TENM2: variants seen among roughly 807,000 people sequenced by gnomAD.
The protein encoded by TENM2 is teneurin transmembrane protein 2, also known as teneurin-2.
TENM2 carries 52 observed loss-of-function variants against 245.2 expected under a neutral mutation model. That is an observed-to-expected ratio of 0.21 (90% CI 0.17 to 0.27). The LOEUF is 0.27. Among genes scored for constraint, TENM2 ranks in the 10% least tolerant of loss-of-function variants. The pLI is 1.00. For synonymous variants in TENM2, 1,363 were observed against 1,438.9 expected, an observed-to-expected ratio of 0.95 and a Z score of 1.19; for missense variants, 3,046 against 3,666.8, an observed-to-expected ratio of 0.83 and a Z score of 4.37.
intron 25 of TENM2, among the ~76,000 whole-genome samples, chr5:168,233,843 G>A (rs1445582659): frequency 6.6e-6 from 1 of 152,202 alleles, no homozygotes; most frequent in Non-Finnish European, 1.5e-5. Context: ...AGAAAATGAG[G>A]AAGAAGCAAA....
chr5:167,286,418 T>G (rs1771351218), intron 1 of TENM2, among the ~76,000 whole-genome samples: 1 of 152,206 alleles, frequency 6.6e-6, no homozygotes, highest in Non-Finnish European at 1.5e-5. Context: ...TGTTTTTGCT[T>G]TGTTAAGTCC....
the TENM2 span, among the ~76,000 whole-genome samples, chr5:167,064,289 C>T: frequency 3.3e-5 from 5 of 152,146 alleles, no homozygotes; most frequent in African/African-American, 1.2e-4. Context: ...AACAAACTTC[C>T]ACGGCCCAAT....
intron 12 of TENM2, among the ~76,000 whole-genome samples, chr5:168,149,200 G>A (rs1293904956): frequency 6.6e-6 from 1 of 152,148 alleles, no homozygotes; most frequent in Admixed American, 6.5e-5. Context: ...TGCAGATAGA[G>A]CTGCTGTGAC....
chr5:167,866,261 G>A (rs1258723940), intron 2 of TENM2, among the ~76,000 whole-genome samples: 1 of 152,212 alleles, frequency 6.6e-6, no homozygotes, highest in African/African-American at 2.4e-5. Flanking sequence ...GACTTTGGGA[G>A]ACCGAGGCAG....
chr5:167,284,490 G>A (rs1233034675), upstream of TENM2, among the ~76,000 whole-genome samples: 2 of 152,198 alleles, frequency 1.3e-5, no homozygotes, highest in Non-Finnish European at 2.9e-5. Context: ...GACTGATCAT[G>A]TCATCTGTGC....
At chr5:167,306,285 C>CAG (rs1755670387) in intron 1 of TENM2, 1 of 152,234 alleles carries the variant, frequency 6.6e-6, no homozygotes, top group South Asian at 2.1e-4. Context: ...CTTTCTGGAG[C>CAG]AGAGCAGTGG....
chr5:167,275,894 T>C, the TENM2 span, among the ~76,000 whole-genome samples: 23 of 152,150 alleles, frequency 1.5e-4, no homozygotes, highest in Admixed American at 1.3e-3. Context: ...TCCAGCACCA[T>C]GTTGAACAAG....
At chr5:167,079,630 C>G in the TENM2 span, among the ~76,000 whole-genome samples, 387 of 151,432 alleles carry the variant, frequency 2.6e-3, no homozygotes, top group African/African-American at 8.9e-3. Context: ...TATTATATTA[C>G]TATATTTTAT....
intron 1 of TENM2, among the ~76,000 whole-genome samples, chr5:167,291,488 C>T (rs943668780): frequency 3.3e-5 from 5 of 152,226 alleles, no homozygotes; most frequent in African/African-American, 1.2e-4. Context: ...CCCACTCTCA[C>T]ATTTTCTCAT....
At chr5:167,091,744 A>G in the TENM2 span, among the ~76,000 whole-genome samples, 1 of 152,224 alleles carries the variant, frequency 6.6e-6, no homozygotes, top group Non-Finnish European at 1.5e-5. Flanking sequence ...TGTTAAGGTG[A>G]CAAACTGTTA....
chr5:167,069,339 A>G, the TENM2 span, among the ~76,000 whole-genome samples: 1 of 152,134 alleles, frequency 6.6e-6, no homozygotes, highest in African/African-American at 2.4e-5. Flanking sequence ...TCTGATTTAT[A>G]TGTTTAACGG....
intron 5 of TENM2, among the ~76,000 whole-genome samples, chr5:168,007,730 G>A (rs1784933859): frequency 6.6e-6 from 1 of 152,198 alleles, no homozygotes; most frequent in Admixed American, 6.5e-5. Context: ...TGGCTCAGAA[G>A]ACCTGATTTG....
chr5:167,714,361 A>G (rs1759112757), intron 2 of TENM2, among the ~76,000 whole-genome samples: 1 of 152,200 alleles, frequency 6.6e-6, no homozygotes, highest in South Asian at 2.1e-4. Context: ...CCTTCCCTAT[A>G]GATCTTATCT....
intron 3 of TENM2, among the ~76,000 whole-genome samples, chr5:167,892,140 A>G (rs901949725): frequency 6.6e-6 from 1 of 152,238 alleles, no homozygotes; most frequent in African/African-American, 2.4e-5. Flanking sequence ...ACAACATTTC[A>G]TGAGAAGAAA....
intron 25 of TENM2, among the ~76,000 whole-genome samples, chr5:168,231,227 A>G (rs1764863905): frequency 6.6e-6 from 1 of 151,662 alleles, no homozygotes; most frequent in South Asian, 2.1e-4. Context: ...GAAGAAGAAG[A>G]TGAACAAAGA....
At chr5:167,499,090 C>A (rs1769008780) in intron 2 of TENM2, among the ~76,000 whole-genome samples, 1 of 152,132 alleles carries the variant, frequency 6.6e-6, no homozygotes, top group Non-Finnish European at 1.5e-5. Flanking sequence ...AGCTCATCCC[C>A]TTTCACACCT....
the TENM2 span, among the ~76,000 whole-genome samples, chr5:166,979,257 T>A: frequency 4.3e-5 from 6 of 140,300 alleles, no homozygotes; most frequent in South Asian, 1.2e-3. Context: ...AACATCGAGC[T>A]CAGCGGCACA....
At chr5:168,197,860 G>C (rs974095356) in intron 15 of TENM2, among the ~76,000 whole-genome samples, 2 of 152,070 alleles carry the variant, frequency 1.3e-5, no homozygotes, top group African/African-American at 4.8e-5. Context: ...CTTAAGAAAC[G>C]AACAGAAATA....
chr5:167,033,991 T>C, the TENM2 span, among the ~76,000 whole-genome samples: 1 of 152,214 alleles, frequency 6.6e-6, no homozygotes, highest in Non-Finnish European at 1.5e-5. Flanking sequence ...TTTTCCCACT[T>C]TAAAACAAGT....
Sources: gnomAD v4.1 joint callset for allele counts (sites outside exome capture counted in the v4.1 genomes callset) on GRCh38, gnomAD v4.1.1 for gene constraint, MANE v1.5 for transcripts, NCBI Gene and HGNC (gene_info 2026-07-23, HGNC 2026-07-21) for gene names.